Variants in SLC66A2 observed in about 807,000 individuals in gnomAD.
SLC66A2 encodes solute carrier family 66 member 2, also known as PQ loop repeat containing 1.
Under a neutral mutation model 25.5 loss-of-function variants are expected in SLC66A2, and 23 were observed. The ratio of observed to expected loss-of-function variants is 0.90; its 90% CI spans 0.65 to 1.28. The LOEUF is 1.28. Among genes scored for constraint, SLC66A2 ranks in the 50% most tolerant of loss-of-function variants. The pLI is 0.00. For synonymous variants in SLC66A2, 193 were observed against 166.5 expected (o/e 1.16, Z -1.23); for missense variants, 396 against 373.1 (o/e 1.06, Z -0.51).
rs1223094959 is a variant in SLC66A2 at position 79,941,360 on chromosome 18, C to G, written c.337+1969G>C. ...CCACAGGATAATCCAGGACCAGCCCCCTCAAGAGTCTCTCTGCCATGTACA... is the reference window on the plus strand; with the variant it reads ...CCACAGGATAATCCAGGACCAGCCCGCTCAAGAGTCTCTCTGCCATGTACA... On this transcript the variant is annotated intron_variant, in intron 3 of 5. Coordinates refer to ENST00000397778, the MANE Select transcript of SLC66A2 (RefSeq NM_025078.5). This position sits in a 1 kb window ranked among gnomAD's most constrained non-coding sequence, Gnocchi z 4.1. 1.3e-5 allele frequency: 2 copies of G among 152,336 alleles called. No homozygotes were observed. Among genetic ancestry groups the G allele is most frequent in the African/African-American group, 4.8e-5 (2 of 41,446 alleles). The allele number at this position is 152,336 out of a possible 1,614,324, so 9.4% of individuals were successfully genotyped here. A position where few individuals can be genotyped will look rare whatever the true frequency, so the allele number is the denominator to read the frequency against.
In SLC66A2 at chr18:79,927,013, C is replaced by T. The variant is rs149110849; in HGVS notation, c.391+6956G>A. 3.0e-4 allele frequency among the ~76,000 whole-genome samples: 45 copies of T among 152,350 alleles called. No individual in the cohort carries two copies. Among genetic ancestry groups the T allele is most frequent in the African/African-American group, 9.6e-4 (40 of 41,580 alleles). ...CAGTATTTTTAAAAATACAAATCGACTCTCCAGGAAAAAACAAAAAAACGA... is the reference window on the plus strand; with the variant it reads ...CAGTATTTTTAAAAATACAAATCGATTCTCCAGGAAAAAACAAAAAAACGA... On this transcript the variant is annotated intron_variant, in intron 4 of 5. Transcript: ENST00000397778. This position sits in a 1 kb window ranked among gnomAD's most constrained non-coding sequence, Gnocchi z 6.2.
chr18:79,914,343 T>C (rs906459660), intron 5 of SLC66A2, among the ~76,000 whole-genome samples: 1 of 152,190 alleles, frequency 6.6e-6, no homozygotes, highest in African/African-American at 2.4e-5. Flanking sequence ...CTACCCACAA[T>C]GGCTTCAAGA....
chr18:79,911,762 A>G (rs373995978), intron 5 of SLC66A2, among the ~76,000 whole-genome samples: 2 of 141,482 alleles, frequency 1.4e-5, no homozygotes, highest in South Asian at 4.7e-4. Flanking sequence ...GGGACGCAGC[A>G]GGGAAGGGAC....
Position 79,907,275 on chromosome 18 carries a change from T to G in SLC66A2, c.609-3092A>C, listed in dbSNP as rs1982248696. Among the ~76,000 whole-genome samples the G allele has an allele frequency of 3.3e-5, 5 of 152,144 alleles. No homozygotes were observed. In the South Asian group the frequency reaches 8.3e-4, roughly 25 times the overall value. On this transcript the variant is annotated intron_variant, in intron 5 of 5. Transcript: ENST00000397778. ...CTGCCTTCTTTTAGATTATTTGAAA[T>G]TTTTAAAATATCCCATTTTAATTTA... is the stretch of plus-strand genomic sequence containing the variant.
intron 2 of SLC66A2, chr18:79,949,784 GGCCCTCTTCATA>G (rs2051056038): frequency 6.6e-6 from 1 of 152,230 alleles, no homozygotes. Flanking sequence ...CCCTCCACCA[GGCCCTCTTCATA>G]GGAAGAGCAG....
At chr18:79,908,447 T>C (rs1982455177) in intron 5 of SLC66A2, among the ~76,000 whole-genome samples, 1 of 152,232 alleles carries the variant, frequency 6.6e-6, no homozygotes, top group East Asian at 1.9e-4. Context: ...TGGATCCTTT[T>C]CCTCTTAACT....
intron 2 of SLC66A2, 47 bp downstream of exon 2, chr18:79,950,677 A>T: frequency 1.3e-6 from 2 of 1,598,878 alleles, no homozygotes; most frequent in East Asian, 4.5e-5. Context: ...CCAAAGGAGA[A>T]ACCCTCTTCT....
In SLC66A2 at chr18:79,927,518, G is replaced by C. The variant is rs118027503; in HGVS notation, c.391+6451C>G. Among the ~76,000 whole-genome samples the C allele has an allele frequency of 6.6e-6, 1 of 152,136 alleles. No homozygotes were observed. The highest frequency in any genetic ancestry group is 1.5e-5 in the Non-Finnish European group (1 of 68,022). On this transcript the variant is annotated intron_variant, in intron 4 of 5. Coordinates refer to ENST00000397778, the MANE Select transcript of SLC66A2 (RefSeq NM_025078.5). This position sits in a 1 kb window ranked among gnomAD's most constrained non-coding sequence, Gnocchi z 6.2. ...AGTATAAATGCCCTTCTTAGCCTTC[G>C]AGGCCGGCACTGGCCTCGCTGACCC...
intron 4 of SLC66A2, among the ~76,000 whole-genome samples, chr18:79,923,681 A>G (rs529199002): frequency 6.6e-6 from 1 of 152,328 alleles, no homozygotes; most frequent in South Asian, 2.1e-4. Context: ...TGGATTTGTC[A>G]ATGAATTTTT....
intron 5 of SLC66A2, among the ~76,000 whole-genome samples, chr18:79,911,534 G>A (rs550831761): frequency 1.8e-4 from 27 of 152,324 alleles, no homozygotes; most frequent in African/African-American, 4.3e-4. Context: ...TAGCGTCCCC[G>A]GGGCCCTGAC....
intron 4 of SLC66A2, among the ~76,000 whole-genome samples, chr18:79,924,343 A>G (rs894600248): frequency 2.0e-5 from 3 of 152,196 alleles, no homozygotes; most frequent in African/African-American, 7.2e-5. Flanking sequence ...GGAACCACAC[A>G]CTAATGAGTC....
chr18:79,902,755 CG>C lies in SLC66A2; in HGVS notation c.*1220del, dbSNP rs1296575432. The C allele has an allele frequency of 2.0e-5, 3 of 152,380 alleles. No homozygotes were observed. Among genetic ancestry groups the C allele is most frequent in the Admixed American group, 1.3e-4 (2 of 15,286 alleles). 9.4% of individuals were successfully genotyped at this position (152,380 alleles called of 1,614,324 possible). ...GAAGACGATGCCTGTTGGAGCCGCACGGAAGCATCCAGAACTCTGAGGCCTG... is the reference window on the plus strand; with the variant it reads ...GAAGACGATGCCTGTTGGAGCCGCACGAAGCATCCAGAACTCTGAGGCCTG... On this transcript the variant is annotated 3_prime_UTR_variant, in exon 6 of 6. Transcript: ENST00000397778.
intron 4 of SLC66A2, among the ~76,000 whole-genome samples, chr18:79,926,657 GCT>G (rs1264295488): frequency 7.6e-6 from 1 of 131,294 alleles, no homozygotes; most frequent in African/African-American, 2.6e-5. Flanking sequence ...GGAGGAAATT[GCT>G]CTTTTTTTTT....
At chr18:79,936,699 G>A (rs1420302708) in intron 3 of SLC66A2, among the ~76,000 whole-genome samples, 1 of 152,192 alleles carries the variant, frequency 6.6e-6, no homozygotes, top group African/African-American at 2.4e-5. Context: ...CTTTATAAAA[G>A]CAATATTTAA....
chr18:79,942,576 A>G (rs1340433724), intron 3 of SLC66A2, among the ~76,000 whole-genome samples: 4 of 152,198 alleles, frequency 2.6e-5, no homozygotes, highest in Non-Finnish European at 5.9e-5. Flanking sequence ...GATAGCTGAG[A>G]TCACTCTCTC....
intron 4 of SLC66A2, among the ~76,000 whole-genome samples, chr18:79,929,693 AAG>A (rs1352738691): frequency 6.6e-6 from 1 of 152,214 alleles, no homozygotes; most frequent in East Asian, 1.9e-4. Context: ...TCCATGCATA[AAG>A]AATTAAAAGA....
rs1333070040 is a variant in SLC66A2 at position 79,917,066 on chromosome 18, A to C, written c.608+2118T>G. ...GTGGTGAAGTGAGTGAGAACAGGAA[A>C]AGCACGTCCAATGTGTTTCTTCCAC... On this transcript the variant is annotated intron_variant, in intron 5 of 5. Transcript: ENST00000397778. This position sits in a 1 kb window ranked among gnomAD's most constrained non-coding sequence, Gnocchi z 6.0. 6.6e-6 allele frequency among the ~76,000 whole-genome samples: 1 copy of C among 152,184 alleles called. No individual in the cohort carries two copies. Among genetic ancestry groups the C allele is most frequent in the African/African-American group, 2.4e-5 (1 of 41,438 alleles).
Position 79,927,850 on chromosome 18 carries a change from C to T in SLC66A2, c.391+6119G>A, listed in dbSNP as rs1599594015. On this transcript the variant is annotated intron_variant, in intron 4 of 5. Coordinates refer to ENST00000397778, the MANE Select transcript of SLC66A2 (RefSeq NM_025078.5). The surrounding 1 kb of genome is among the most constrained non-coding windows in gnomAD (Gnocchi z 6.2). ...CCCAACCCAAGGCTGCCCAGACAGA[C>T]AAGCGCTCACCGCCGCACTGCCCTA... 1.3e-5 allele frequency among the ~76,000 whole-genome samples: 2 copies of T among 152,250 alleles called. No individual in the cohort carries two copies. Among genetic ancestry groups the T allele is most frequent in the South Asian group, 4.1e-4 (2 of 4,832 alleles).
rs1328473263 is a variant in SLC66A2, at chr18:79,937,938, G to A, written c.338-3916C>T. Among the ~76,000 whole-genome samples, 1 of 152,120 alleles carries A rather than the reference G, an allele frequency of 6.6e-6. No homozygotes were observed. The highest frequency in any genetic ancestry group is 1.5e-5 in the Non-Finnish European group (1 of 68,012). On this transcript the variant is annotated intron_variant, in intron 3 of 5. Transcript: ENST00000397778. This position sits in a 1 kb window ranked among gnomAD's most constrained non-coding sequence, Gnocchi z 5.4. ...TGCCGCAATACAGACCACGGGCAAAGTTGAGAGGAGCTAAGGGAGAACCCA... is the reference window on the plus strand; with the variant it reads ...TGCCGCAATACAGACCACGGGCAAAATTGAGAGGAGCTAAGGGAGAACCCA...
Sources: allele counts gnomAD v4.1 joint callset (sites outside exome capture counted in the v4.1 genomes callset), GRCh38; gene constraint gnomAD v4.1.1; non-coding constraint Gnocchi (gnomAD v3.1); transcripts MANE v1.5; gene names NCBI Gene and HGNC (gene_info 2026-07-23, HGNC 2026-07-21).